The following LRMDA variants were observed in gnomAD, a reference collection of about 807,000 sequenced individuals.
LRMDA encodes leucine-rich melanocyte differentiation-associated protein.
Under a neutral mutation model 29.8 loss-of-function variants are expected in LRMDA, and 18 were observed. The observed-to-expected ratio is 0.60, with a 90% confidence interval of 0.42 to 0.90. The LOEUF is 0.90. Ranked by LOEUF, LRMDA falls within the 40% of genes least tolerant of loss-of-function variation. LRMDA has a pLI of 0.00. For missense variants in LRMDA, 273 were observed against 273.9 expected, an observed-to-expected ratio of 1.00 and a Z score of 0.02; for synonymous variants, 125 against 109.4, an observed-to-expected ratio of 1.14 and a Z score of -0.89.
chr10:75,891,576 G>C (rs991075801), intron 2 of LRMDA, among the ~76,000 whole-genome samples: 1 of 152,170 alleles, frequency 6.6e-6, no homozygotes, highest in Non-Finnish European at 1.5e-5. Context: ...GACCTCAAAG[G>C]CTCTGGTCAG....
At chr10:76,025,903 G>A (rs1172396817) in intron 2 of LRMDA, among the ~76,000 whole-genome samples, 5 of 152,160 alleles carry the variant, frequency 3.3e-5, no homozygotes, top group Non-Finnish European at 7.3e-5. Flanking sequence ...GGGGACTATT[G>A]CACAGTCATC....
At chr10:76,076,524 T>C (rs2132074763) in intron 5 of LRMDA, among the ~76,000 whole-genome samples, 1 of 152,202 alleles carries the variant, frequency 6.6e-6, no homozygotes, top group East Asian at 1.9e-4. Flanking sequence ...CATTTTATCC[T>C]CATGAGAGGA....
At chr10:75,673,276 G>T (rs1200722943) in intron 2 of LRMDA, among the ~76,000 whole-genome samples, 1 of 152,152 alleles carries the variant, frequency 6.6e-6, no homozygotes, top group Non-Finnish European at 1.5e-5. Flanking sequence ...CACCTAAAAT[G>T]CGAAGTAGAA....
chr10:76,109,005 A>T (rs896290995), intron 5 of LRMDA, among the ~76,000 whole-genome samples: 7 of 152,274 alleles, frequency 4.6e-5, no homozygotes, highest in Middle Eastern at 3.4e-3. Flanking sequence ...AAGATGTGAA[A>T]ATGTGAAAAA....
chr10:76,399,935 A>G (rs145488713), intron 6 of LRMDA, among the ~76,000 whole-genome samples: 9 of 152,238 alleles, frequency 5.9e-5, no homozygotes, highest in African/African-American at 2.2e-4. Context: ...AGCTTCTAAG[A>G]TGGTCCTTAT....
chr10:76,065,475 C>T (rs1475312547), intron 5 of LRMDA, among the ~76,000 whole-genome samples: 1 of 152,198 alleles, frequency 6.6e-6, no homozygotes, highest in Admixed American at 6.5e-5. Flanking sequence ...GGGGATGTTA[C>T]TGTTTCCCTG....
At chr10:76,186,210 C>A (rs1851146661) in intron 5 of LRMDA, among the ~76,000 whole-genome samples, 2 of 152,172 alleles carry the variant, frequency 1.3e-5, no homozygotes, top group South Asian at 4.1e-4. Flanking sequence ...CCACTCACAG[C>A]AATGTGCCAG....
intron 3 of LRMDA, among the ~76,000 whole-genome samples, chr10:76,045,317 T>G (rs1848417056): frequency 6.6e-6 from 1 of 150,808 alleles, no homozygotes; most frequent in African/African-American, 2.4e-5. Context: ...TCCCCCTCTC[T>G]TGCTAGTTTC....
intron 6 of LRMDA, among the ~76,000 whole-genome samples, chr10:76,375,739 T>TTTG (rs1841509076): frequency 4.6e-5 from 7 of 151,026 alleles, no homozygotes; most frequent in Admixed American, 4.6e-4. Flanking sequence ...TTTTTTTTTT[T>TTTG]CGGGGGGAGA....
chr10:75,738,904 CTCTT>C (rs1350307251), intron 2 of LRMDA, among the ~76,000 whole-genome samples: 1 of 152,150 alleles, frequency 6.6e-6, no homozygotes, highest in Non-Finnish European at 1.5e-5. Context: ...GTCAAACGCT[CTCTT>C]TCTATTTTCT....
chr10:75,887,187 AAAT>A (rs1179001266), intron 2 of LRMDA, among the ~76,000 whole-genome samples: 2 of 150,498 alleles, frequency 1.3e-5, no homozygotes, highest in Admixed American at 1.3e-4. Context: ...TGATTTATGT[AAAT>A]AATAACAAAA....
chr10:76,413,709 C>T (rs1253254775), intron 6 of LRMDA, among the ~76,000 whole-genome samples: 1 of 152,046 alleles, frequency 6.6e-6, no homozygotes, highest in Non-Finnish European at 1.5e-5. Flanking sequence ...CATGGTGTTC[C>T]TTTTTAGAAG....
intron 2 of LRMDA, among the ~76,000 whole-genome samples, chr10:75,775,040 G>A (rs1021584805): frequency 6.6e-6 from 1 of 152,202 alleles, no homozygotes; most frequent in African/African-American, 2.4e-5. Context: ...CTAGTCAATT[G>A]AAACCAACTG....
intron 2 of LRMDA, among the ~76,000 whole-genome samples, chr10:75,860,311 G>GTTTTT (rs56875392): frequency 1.4e-5 from 1 of 69,304 alleles, no homozygotes; most frequent in Non-Finnish European, 2.5e-5. Flanking sequence ...GATGTTTCTG[G>GTTTTT]TTTTTTTTTT....
intron 6 of LRMDA, among the ~76,000 whole-genome samples, chr10:76,504,249 C>A (rs904739954): frequency 6.6e-6 from 1 of 151,860 alleles, no homozygotes; most frequent in Non-Finnish European, 1.5e-5. Flanking sequence ...AATGATTGAG[C>A]ATATGGTTGA....
chr10:75,475,078 A>T (rs1843241370), intron 2 of LRMDA, among the ~76,000 whole-genome samples: 1 of 152,214 alleles, frequency 6.6e-6, no homozygotes. Flanking sequence ...CTCTGAGGAC[A>T]TAAGCATAAG....
intron 5 of LRMDA, among the ~76,000 whole-genome samples, chr10:76,165,147 AT>A (rs1413516280): frequency 1.3e-5 from 2 of 152,030 alleles, no homozygotes; most frequent in African/African-American, 2.4e-5. Flanking sequence ...TAATTTCTGT[AT>A]TTTAAGTAGA....
chr10:75,624,542 A>G (rs2132108772), intron 2 of LRMDA, among the ~76,000 whole-genome samples: 1 of 152,276 alleles, frequency 6.6e-6, no homozygotes, highest in Non-Finnish European at 1.5e-5. Context: ...AGAGGAATGG[A>G]GTCTCTCTTA....
intron 2 of LRMDA, among the ~76,000 whole-genome samples, chr10:76,035,651 T>G (rs2132506346): frequency 6.6e-6 from 1 of 152,324 alleles, no homozygotes; most frequent in East Asian, 1.9e-4. Context: ...GTTATTTATC[T>G]TGGGAATGGA....
Sources: allele counts gnomAD v4.1 joint callset (sites outside exome capture counted in the v4.1 genomes callset), GRCh38; gene constraint gnomAD v4.1.1; transcripts MANE v1.5; gene names NCBI Gene and HGNC (gene_info 2026-07-23, HGNC 2026-07-21).